Variants in BRD4 observed in about 807,000 individuals in gnomAD.
BRD4 encodes the protein bromodomain-containing protein 4.
Under a neutral mutation model 142.1 loss-of-function variants are expected in BRD4, and 16 were observed. The ratio of observed to expected loss-of-function variants is 0.11; its 90% CI spans 0.08 to 0.17. The LOEUF (loss-of-function observed/expected upper bound fraction) is 0.17. BRD4 is among the 10% of genes least tolerant of loss of function. BRD4 has a pLI of 1.00. For synonymous variants in BRD4, 833 were observed against 707.5 expected, an observed-to-expected ratio of 1.18 and a Z score of -2.82; for missense variants, 1,424 against 1,810.9, an observed-to-expected ratio of 0.79 and a Z score of 3.88.
chr19:15,252,009 G>A (rs2047352994), intron 11 of BRD4, among the ~76,000 whole-genome samples: 1 of 152,240 alleles, frequency 6.6e-6, no homozygotes, highest in Non-Finnish European at 1.5e-5. Context: ...TTCCCGCCAG[G>A]ACAGCTGTTC....
At chr19:15,307,781 C>T (rs541357540) in intron 1 of BRD4, among the ~76,000 whole-genome samples, 2 of 152,170 alleles carry the variant, frequency 1.3e-5, no homozygotes, top group African/African-American at 2.4e-5. Flanking sequence ...TGGTGACCTC[C>T]AAGGAGTGGG....
At chr19:15,246,872 C>T (rs1213175776) in intron 11 of BRD4, among the ~76,000 whole-genome samples, 1 of 152,104 alleles carries the variant, frequency 6.6e-6, no homozygotes, top group Admixed American at 6.5e-5. Flanking sequence ...ACGGCAGACC[C>T]CCAGGACCAG....
At chr19:15,282,317 C>CA (rs2047711157) in intron 1 of BRD4, among the ~76,000 whole-genome samples, 1 of 152,178 alleles carries the variant, frequency 6.6e-6, no homozygotes, top group African/African-American at 2.4e-5. Context: ...TGTGATGTTA[C>CA]ATCAGAAATG....
intron 1 of BRD4, among the ~76,000 whole-genome samples, chr19:15,307,698 G>A (rs542670030): frequency 7.2e-5 from 11 of 152,130 alleles, no homozygotes; most frequent in Non-Finnish European, 1.5e-4. Context: ...GGAAGAGGAT[G>A]TCCTGAGCCC....
At chr19:15,326,280 T>C (rs2048107792) in intron 1 of BRD4, among the ~76,000 whole-genome samples, 1 of 150,666 alleles carries the variant, frequency 6.6e-6, no homozygotes, top group Non-Finnish European at 1.5e-5. Context: ...GGGGACAACA[T>C]GGCAAAATCC....
intron 7 of BRD4, 47 bp from the exon 8 acceptor site, chr19:15,257,220 G>T: frequency 6.5e-7 from 1 of 1,531,380 alleles, no homozygotes; most frequent in Non-Finnish European, 8.8e-7. Flanking sequence ...TACCCAGGCC[G>T]CGGCCTAGCA....
At chr19:15,326,183 G>A (rs2048107065) in intron 1 of BRD4, among the ~76,000 whole-genome samples, 1 of 146,540 alleles carries the variant, frequency 6.8e-6, no homozygotes, top group Non-Finnish European at 1.5e-5. Flanking sequence ...AAGGCCGGGC[G>A]CTGTGGCTCA....
At chr19:15,289,380 C>T (rs557876634) in intron 1 of BRD4, among the ~76,000 whole-genome samples, 10 of 152,084 alleles carry the variant, frequency 6.6e-5, no homozygotes, top group African/African-American at 1.4e-4. Flanking sequence ...GGAGAAACCC[C>T]GTCTCTACTA....
intron 1 of BRD4, among the ~76,000 whole-genome samples, chr19:15,330,584 G>C (rs2145026204): frequency 6.6e-6 from 1 of 152,214 alleles, no homozygotes; most frequent in Admixed American, 6.5e-5. Context: ...TGGCCAACAT[G>C]GTGAAACCCG....
intron 11 of BRD4, chr19:15,253,849 C>A: frequency 7.3e-7 from 1 of 1,366,786 alleles, no homozygotes. Flanking sequence ...CCTCATGGCC[C>A]AGCTTCCCCG....
chr19:15,321,927 T>G (rs991735556), intron 1 of BRD4, among the ~76,000 whole-genome samples: 1 of 152,026 alleles, frequency 6.6e-6, no homozygotes, highest in African/African-American at 2.4e-5. Flanking sequence ...GAAACGAAAC[T>G]AAAGATCCAT....
At chr19:15,245,367 CAG>C (rs1344923297) in intron 11 of BRD4, among the ~76,000 whole-genome samples, 8 of 151,994 alleles carry the variant, frequency 5.3e-5, no homozygotes, top group Non-Finnish European at 1.0e-4. Flanking sequence ...AGGGAAAACA[CAG>C]AGAGCCCACT....
chr19:15,313,730 A>G (rs1479825730), intron 1 of BRD4, among the ~76,000 whole-genome samples: 1 of 152,194 alleles, frequency 6.6e-6, no homozygotes, highest in African/African-American at 2.4e-5. Context: ...ATTAATATTT[A>G]TATTTCATAA....
intron 1 of BRD4, among the ~76,000 whole-genome samples, chr19:15,330,512 T>C (rs62113853): frequency 0.071 from 10,801 of 152,228 alleles, 520 homozygotes; most frequent in Non-Finnish European, 0.11. Context: ...ATGCCTGTAA[T>C]CCCAACACTT....
At position 15,329,080 on chromosome 19, in the gene BRD4, C is replaced by CT. The variant is rs999954374; in HGVS notation, c.-35+3209dup. ...GAGCCACCACGCCCGGCGCATTCTG[C>CT]TTTTTTTTTTTTTAAGTTAACAAGG... On this transcript the variant is annotated intron_variant, in intron 1 of 19. Coordinates refer to ENST00000679869, the MANE Select transcript of BRD4 (RefSeq NM_001379291.1). Among the ~76,000 whole-genome samples the CT allele has an allele frequency of 5.2e-3, 749 of 143,792 alleles. 4 individuals are homozygous for CT. The highest frequency in any genetic ancestry group is 8.2e-3 in the South Asian group (37 of 4,524). The allele number at this position is 143,792 out of a possible 152,430, so 94.3% of individuals were successfully genotyped here.
rs2145502340 is a variant in BRD4, at chr19:15,239,801, C to A, written c.3303G>T (p.Val1101=). 1 of 1,613,512 alleles carries A rather than the reference C, an allele frequency of 6.2e-7. No individual in the cohort carries two copies. Among genetic ancestry groups the A allele is most frequent in the East Asian group, 2.2e-5 (1 of 44,850 alleles). ...CCACCACGAGGGGCTGGGGCTGGAC[C>A]ACGGAGGCAGCACGCAGCTCCTGGG... The part of the protein sequence containing the change: ...PKKQELRAAS[V]VQPQPLVVVK... Residue 1101 remains valine, a synonymous_variant, in exon 16 of 20, where the codon GTG becomes GTT. Coordinates refer to ENST00000679869, the MANE Select transcript of BRD4 (RefSeq NM_001379291.1). This position sits in a 1 kb window ranked among gnomAD's most constrained non-coding sequence, Gnocchi z 7.4.
At chr19:15,322,826 CACTGCACTCT>C (rs1463080334) in intron 1 of BRD4, among the ~76,000 whole-genome samples, 2 of 143,012 alleles carry the variant, frequency 1.4e-5, no homozygotes, top group East Asian at 4.1e-4. Context: ...GAGACTGCGC[CACTGCACTCT>C]AGCCTGGGAG....
intron 1 of BRD4, among the ~76,000 whole-genome samples, chr19:15,328,931 GC>G (rs2048133091): frequency 6.6e-6 from 1 of 152,120 alleles, no homozygotes; most frequent in Non-Finnish European, 1.5e-5. Context: ...GCGCCACTAT[GC>G]CCGGCTAATT....
At chr19:15,257,284 G>A (rs746307125) in intron 7 of BRD4, 111 bp from the exon 8 acceptor site, 296 of 1,039,030 alleles carry the variant, frequency 2.8e-4, no homozygotes, top group Non-Finnish European at 3.8e-4. Flanking sequence ...AACCGAGGGC[G>A]AAAGAGGATG....
Sources: allele counts gnomAD v4.1 joint callset (sites outside exome capture counted in the v4.1 genomes callset), GRCh38; gene constraint gnomAD v4.1.1; non-coding constraint Gnocchi (gnomAD v3.1); transcripts MANE v1.5; gene names NCBI Gene and HGNC (gene_info 2026-07-23, HGNC 2026-07-21).